The following DOCK3 variants were observed in gnomAD, a reference collection of about 807,000 sequenced individuals.
DOCK3 encodes dedicator of cytokinesis protein 3.
In DOCK3, 60 loss-of-function variants were observed where a neutral mutation model predicts 265.6. The observed-to-expected ratio is 0.23, with a 90% CI of 0.18 to 0.28. The LOEUF (loss-of-function observed/expected upper bound fraction) is 0.28, where lower values mean the gene tolerates loss of function less well. Among genes scored for constraint, DOCK3 ranks in the 10% least tolerant of loss-of-function variants. DOCK3 has a pLI of 1.00. For missense variants in DOCK3, 1,981 were observed against 2,594.3 expected (o/e 0.76, Z 5.14); for synonymous variants, 881 against 938.0 (o/e 0.94, Z 1.11).
At chr3:51,335,237 T>G (rs564673910) in intron 35 of DOCK3, among the ~76,000 whole-genome samples, 7 of 134,436 alleles carry the variant, frequency 5.2e-5, no homozygotes, top group African/African-American at 1.9e-4. Context: ...AAATATAATT[T>G]AAAAAAAAAA....
At chr3:50,839,994 C>T (rs2045740525) in intron 2 of DOCK3, among the ~76,000 whole-genome samples, 1 of 151,572 alleles carries the variant, frequency 6.6e-6, no homozygotes, top group South Asian at 2.1e-4. Context: ...GTCTCAAACT[C>T]CTGACCTCAT....
At chr3:51,283,703 C>T (rs769012725) in intron 27 of DOCK3, among the ~76,000 whole-genome samples, 31 of 152,314 alleles carry the variant, frequency 2.0e-4, no homozygotes, top group Non-Finnish European at 3.5e-4. Context: ...AAACTCCTCT[C>T]CTGGAAGGAG....
chr3:51,043,407 C>T (rs1421743828), intron 5 of DOCK3, among the ~76,000 whole-genome samples: 1 of 152,152 alleles, frequency 6.6e-6, no homozygotes, highest in Non-Finnish European at 1.5e-5. Context: ...AACTGCACTC[C>T]TTCCTTATAC....
chr3:51,166,173 C>T (rs1467746977), intron 12 of DOCK3, among the ~76,000 whole-genome samples: 1 of 151,606 alleles, frequency 6.6e-6, no homozygotes, highest in African/African-American at 2.4e-5. Flanking sequence ...GCCTCAGCCT[C>T]CCGAGTAGCT....
At chr3:51,149,157 G>T (rs1183472112) in intron 10 of DOCK3, among the ~76,000 whole-genome samples, 4 of 152,046 alleles carry the variant, frequency 2.6e-5, no homozygotes, top group Non-Finnish European at 5.9e-5. Context: ...TATTGGTGTA[G>T]AGGAATGCTT....
intron 1 of DOCK3, among the ~76,000 whole-genome samples, chr3:50,702,215 G>C (rs189599689): frequency 1.3e-5 from 2 of 152,052 alleles, no homozygotes; most frequent in Non-Finnish European, 2.9e-5. Flanking sequence ...ATTTCTTTCC[G>C]TTTCTTTGTG....
At chr3:51,201,183 TTAAATG>T (rs1463555766) in intron 12 of DOCK3, among the ~76,000 whole-genome samples, 1 of 150,402 alleles carries the variant, frequency 6.6e-6, no homozygotes, top group Non-Finnish European at 1.5e-5. Context: ...AATATTAACT[TTAAATG>T]TAAATGGACT....
chr3:51,097,551 G>T (rs2082906111), intron 9 of DOCK3, among the ~76,000 whole-genome samples: 1 of 152,210 alleles, frequency 6.6e-6, no homozygotes, highest in African/African-American at 2.4e-5. Context: ...CTCCATGGGG[G>T]TGGGATCTGC....
rs138317133 is a variant in DOCK3 at position 51,154,153 on chromosome 3, A to C, written c.829-5091A>C. On this transcript the variant is annotated intron_variant, in intron 10 of 52. Transcript: ENST00000266037. Reference sequence around the variant, plus strand: ...ACCTCACTTTTTAGTTCATTACTGCAACTTTATCTTTCAGAACATCAAATG... The same window carrying C: ...ACCTCACTTTTTAGTTCATTACTGCCACTTTATCTTTCAGAACATCAAATG... Among the ~76,000 whole-genome samples the C allele has an allele frequency of 1.1e-4, 16 of 152,360 alleles. No homozygotes were observed. In the East Asian group the frequency reaches 3.1e-3, roughly 29 times the overall value.
At chr3:50,984,451 TAG>T (rs1188454761) in intron 5 of DOCK3, among the ~76,000 whole-genome samples, 4 of 152,198 alleles carry the variant, frequency 2.6e-5, no homozygotes, top group African/African-American at 9.6e-5. Flanking sequence ...GCTTGTCTGG[TAG>T]AGACTATTTC....
chr3:51,313,781 G>A (rs1237007935), intron 31 of DOCK3, among the ~76,000 whole-genome samples: 1 of 152,070 alleles, frequency 6.6e-6, no homozygotes, highest in Non-Finnish European at 1.5e-5. Context: ...TCATGAGTGG[G>A]GATGCATTTC....
chr3:50,781,326 G>A (rs1414362297), intron 2 of DOCK3, among the ~76,000 whole-genome samples: 10 of 140,160 alleles, frequency 7.1e-5, no homozygotes, highest in African/African-American at 2.7e-4. Flanking sequence ...GGAGTGCAGT[G>A]GTGCCATCAC....
rs771056800 is a variant in DOCK3 at position 51,227,410 on chromosome 3, G to T, written c.1505G>T (p.Gly502Val). ...CCTATCCCCATTGACCGGTTCCGGG[G>T]CTCCCACCTGCGCTTTGAGTTCAGA... Reference protein sequence around the residue: ...KLPIPIDRFRGSHLRFEFRHC... With the variant: ...KLPIPIDRFRVSHLRFEFRHC... The change falls in exon 16 of 53, where the codon GGC (glycine) becomes GTC (valine). Residue 502 changes from glycine to valine, a missense_variant. Coordinates refer to ENST00000266037, the MANE Select transcript of DOCK3 (RefSeq NM_004947.5). The T allele has an allele frequency of 1.2e-6, 2 of 1,613,794 alleles. No homozygotes were observed. Among genetic ancestry groups the T allele is most frequent in the Non-Finnish European group, 8.5e-7 (1 of 1,179,762 alleles).
At chr3:51,317,581 A>AAAT (rs35402276) in intron 32 of DOCK3, among the ~76,000 whole-genome samples, 46,155 of 138,880 alleles carry the variant, frequency 0.33, 7,771 homozygotes, top group African/African-American at 0.37. Flanking sequence ...CTCCATCACA[A>AAAT]AATAATAATA....
chr3:51,093,098 G>A (rs1388640052), intron 9 of DOCK3, among the ~76,000 whole-genome samples: 1 of 152,206 alleles, frequency 6.6e-6, no homozygotes, highest in Admixed American at 6.5e-5. Flanking sequence ...AGTATAGTTT[G>A]AAGTCAGAGA....
chr3:51,160,396 C>T (rs765268143), intron 11 of DOCK3, among the ~76,000 whole-genome samples, 159 bp from the exon 12 acceptor site: 5 of 152,172 alleles, frequency 3.3e-5, no homozygotes, highest in Non-Finnish European at 7.3e-5. Context: ...GGTGTTCTTC[C>T]ACATAAATAT....
chr3:51,352,257 C>T (rs1325093732), intron 40 of DOCK3, among the ~76,000 whole-genome samples: 1 of 152,066 alleles, frequency 6.6e-6, no homozygotes, highest in Non-Finnish European at 1.5e-5. Flanking sequence ...TGTATAGATC[C>T]ACAATTTGTA....
chr3:50,963,359 G>A (rs1045211412), intron 5 of DOCK3, among the ~76,000 whole-genome samples: 1 of 152,120 alleles, frequency 6.6e-6, no homozygotes, highest in Non-Finnish European at 1.5e-5. Context: ...AAATATGACA[G>A]GGTGGTAGTG....
At chr3:51,026,380 A>C (rs1489875845) in intron 5 of DOCK3, among the ~76,000 whole-genome samples, 2 of 151,622 alleles carry the variant, frequency 1.3e-5, no homozygotes, top group African/African-American at 2.4e-5. Flanking sequence ...TTGGTTTGCT[A>C]GTATTTTGTT....
Sources: gnomAD v4.1 joint callset for allele counts (sites outside exome capture counted in the v4.1 genomes callset) on GRCh38, gnomAD v4.1.1 for gene constraint, MANE v1.5 for transcripts, NCBI Gene and HGNC (gene_info 2026-07-23, HGNC 2026-07-21) for gene names.